The following UBA3 variants were observed in gnomAD, a reference collection of about 807,000 sequenced individuals.
The protein encoded by UBA3 is ubiquitin like modifier activating enzyme 3, also known as NEDD8-activating enzyme E1 catalytic subunit.
In UBA3, 26 loss-of-function variants were observed where a neutral mutation model predicts 73.5. The ratio of observed to expected loss-of-function variants is 0.35; its 90% CI spans 0.26 to 0.49. The LOEUF is 0.49. Among genes scored for constraint, UBA3 ranks in the 20% least tolerant of loss-of-function variants. The pLI, the probability that UBA3 is intolerant of heterozygous loss-of-function variation, is 0.98. For synonymous variants in UBA3, 217 were observed against 191.2 expected (o/e 1.13, Z -1.11); for missense variants, 495 against 555.6 (o/e 0.89, Z 1.10).
intron 11 of UBA3, among the ~76,000 whole-genome samples, chr3:69,060,159 T>A (rs886366305): frequency 2.6e-5 from 4 of 152,074 alleles, no homozygotes; most frequent in Non-Finnish European, 5.9e-5. Context: ...AAATAAAGGA[T>A]ATAATTATCA....
rs1038361813 is a variant in UBA3, at chr3:69,063,645, G to A, written c.473-142C>T. ...GAAGGTAGTGTGTTTGTGGGAACAG[G>A]AAGCTCTATGAGAACCCAAGTTTTC... is the stretch of plus-strand genomic sequence containing the variant. On this transcript the variant is annotated intron_variant, in intron 7 of 17. Transcript: ENST00000361055. The A allele has an allele frequency of 5.8e-6, 4 of 693,068 alleles. No individual in the cohort carries two copies. In the African/African-American group the frequency reaches 7.6e-5, roughly 13 times the overall value. 42.9% of individuals were successfully genotyped at this position (693,068 alleles called of 1,614,324 possible). A position where few individuals can be genotyped will look rare whatever the true frequency, so the allele number is the denominator to read the frequency against.
intron 6 of UBA3, among the ~76,000 whole-genome samples, chr3:69,065,003 C>T (rs2092056861): frequency 6.6e-6 from 1 of 152,102 alleles, no homozygotes. Flanking sequence ...ACAATAATTT[C>T]AATTCTAGCC....
In UBA3 at chr3:69,061,958, A is replaced by C. The variant is rs760469690; in HGVS notation, c.797-31T>G. On this transcript the variant is annotated intron_variant, in intron 10 of 17. Coordinates refer to ENST00000361055, the MANE Select transcript of UBA3 (RefSeq NM_003968.4). ...TAAAAAAAAAAAGGGAGAGAGAGAG[A>C]GAGAGAAGACAGGAATACGTAATCA... 3 of 1,503,670 alleles carry C rather than the reference A, an allele frequency of 2.0e-6. No individual in the cohort carries two copies. The African/African-American group carries it at 4.2e-5, about 21-fold the overall frequency. 93.1% of individuals were successfully genotyped at this position (1,503,670 alleles called of 1,614,324 possible). A position where few individuals can be genotyped will look rare whatever the true frequency, so the allele number is the denominator to read the frequency against.
chr3:69,061,856 A>G lies in UBA3; in HGVS notation c.868T>C (p.Ser290Pro). The G allele has an allele frequency of 6.2e-7, 1 of 1,611,452 alleles. No individual in the cohort carries two copies. Among genetic ancestry groups the G allele is most frequent in the South Asian group, 1.1e-5 (1 of 90,614 alleles). ...WIFQKSLERA[S>P]QYNIRGVTYR... ...GTAACACCCCTAATATTATATTGTG[A>G]TGCTCTCTCTAGGGATTTTTGGAAA... Residue 290 changes from serine (S) to proline (P), a missense_variant, in exon 11 of 18, where the codon TCA (serine) becomes CCA (proline). Ser to Pro is a moderately conservative substitution (Grantham distance 74). Transcript: ENST00000361055.
At chr3:69,057,924 C>CTTTTTTTTTTT (rs368333207) in intron 11 of UBA3, among the ~76,000 whole-genome samples, 9 of 115,476 alleles carry the variant, frequency 7.8e-5, no homozygotes, top group African/African-American at 2.3e-4. Flanking sequence ...CCACATTTTT[C>CTTTTTTTTTTT]TTTTTTTTTT....
At chr3:69,066,253 A>G (rs1361997827) in intron 6 of UBA3, among the ~76,000 whole-genome samples, 3 of 151,932 alleles carry the variant, frequency 2.0e-5, no homozygotes, top group Admixed American at 6.6e-5. Flanking sequence ...TATAGCTTCA[A>G]ACTCCTAGTC....
At chr3:69,067,436 A>G (rs773264035) in intron 6 of UBA3, among the ~76,000 whole-genome samples, 13 of 152,198 alleles carry the variant, frequency 8.5e-5, no homozygotes, top group South Asian at 4.1e-4. Flanking sequence ...GACTTTCTAT[A>G]AAATGCCAAA....
chr3:69,057,116 T>G, intron 12 of UBA3, 140 bp downstream of exon 12: 1 of 941,482 alleles, frequency 1.1e-6, no homozygotes, highest in Non-Finnish European at 1.7e-6. Context: ...ATGCAAAGTC[T>G]AATAACTGGT....
At chr3:69,063,610 T>G (rs984799306) in intron 7 of UBA3, 107 bp from the exon 8 acceptor site, 1 of 920,092 alleles carries the variant, frequency 1.1e-6, no homozygotes, top group South Asian at 1.9e-5. Flanking sequence ...TGGTGCAAGA[T>G]GTTGATTAGG....
chr3:69,072,619 A>C (rs1159214257), intron 4 of UBA3, among the ~76,000 whole-genome samples: 1 of 152,198 alleles, frequency 6.6e-6, no homozygotes, highest in Non-Finnish European at 1.5e-5. Context: ...TTTCCAGTTC[A>C]TTCAGTTTTC....
At chr3:69,064,043 C>G in intron 7 of UBA3, 25 bp downstream of exon 7, 1 of 1,585,036 alleles carries the variant, frequency 6.3e-7, no homozygotes, top group Non-Finnish European at 8.6e-7. Flanking sequence ...ATCTAGTGAG[C>G]ATTAATTTCA....
At chr3:69,061,991 A>T in intron 10 of UBA3, 64 bp from the exon 11 acceptor site, 5 of 1,436,986 alleles carry the variant, frequency 3.5e-6, no homozygotes, top group Non-Finnish European at 4.8e-6. Context: ...TCACAAAACA[A>T]TGTTTTTAAT....
chr3:69,056,104 T>TA, intron 15 of UBA3, 41 bp from the exon 16 acceptor site: 1 of 1,563,082 alleles, frequency 6.4e-7, no homozygotes, highest in South Asian at 1.2e-5. Flanking sequence ...ACATAATTTT[T>TA]ATCAAAAGAT....
intron 6 of UBA3, 55 bp from the exon 7 acceptor site, chr3:69,064,166 T>C: frequency 7.0e-7 from 1 of 1,419,490 alleles, no homozygotes; most frequent in South Asian, 1.3e-5. Context: ...AAAATGAATT[T>C]GACAATGCCA....
At chr3:69,080,293 C>G in intron 1 of UBA3, 41 bp downstream of exon 1, 1 of 1,602,408 alleles carries the variant, frequency 6.2e-7, no homozygotes, top group Non-Finnish European at 8.5e-7. Flanking sequence ...TCTCTCACAA[C>G]CCAGCCCAGC....
At position 69,080,224 on chromosome 3, in the gene UBA3, G is replaced by A; in HGVS notation, c.21-71C>T. Reference sequence around the variant, plus strand: ...GGCGCCGCGAGGGGAGGGGGGCGAGGGGACGGGGCGGGGGGTGTGGGGACC... The same window carrying A: ...GGCGCCGCGAGGGGAGGGGGGCGAGAGGACGGGGCGGGGGGTGTGGGGACC... On this transcript the variant is annotated intron_variant, in intron 1 of 17. Transcript: ENST00000361055. 2.7e-6 allele frequency: 4 copies of A among 1,487,690 alleles called. No individual in the cohort carries two copies. In the South Asian group the frequency reaches 3.6e-5, roughly 13 times the overall value. 92.2% of individuals were successfully genotyped at this position (1,487,690 alleles called of 1,614,324 possible).
intron 4 of UBA3, among the ~76,000 whole-genome samples, chr3:69,073,797 G>A (rs1482222280): frequency 5.9e-5 from 9 of 151,908 alleles, no homozygotes; most frequent in East Asian, 1.9e-4. Context: ...CACCACGCCC[G>A]GCTAATTTTT....
chr3:69,061,740 T>A (rs988487929), intron 11 of UBA3, 74 bp downstream of exon 11: 2 of 921,614 alleles, frequency 2.2e-6, no homozygotes, highest in East Asian at 2.4e-5. Context: ...AACTCACTTA[T>A]CGATTATTCT....
At chr3:69,068,081 A>G in intron 5 of UBA3, 73 bp from the exon 6 acceptor site, 2 of 1,025,462 alleles carry the variant, frequency 2.0e-6, no homozygotes, top group South Asian at 2.0e-5. Flanking sequence ...TTTCAAACAT[A>G]AAAGTAAATT....
Sources: allele counts gnomAD v4.1 joint callset (sites outside exome capture counted in the v4.1 genomes callset), GRCh38; gene constraint gnomAD v4.1.1; transcripts MANE v1.5; gene names NCBI Gene and HGNC (gene_info 2026-07-23, HGNC 2026-07-21).